Variants in SF3B1 observed in about 807,000 individuals in gnomAD.
SF3B1 encodes the protein splicing factor 3b subunit 1.
In SF3B1, 12 loss-of-function variants were observed where a neutral mutation model predicts 153.8. The observed-to-expected ratio is 0.08, with a 90% CI of 0.05 to 0.13. The LOEUF is 0.13. Ranked by LOEUF, SF3B1 falls within the 10% of genes least tolerant of loss-of-function variation. The pLI, the probability that SF3B1 is intolerant of heterozygous loss-of-function variation, is 1.00. For missense variants in SF3B1, 513 were observed against 1,606.1 expected (o/e 0.32, Z 11.63); for synonymous variants, 498 against 525.2 (o/e 0.95, Z 0.71).
chr2:197,409,308 G>A (rs1471881828), intron 7 of SF3B1, among the ~76,000 whole-genome samples: 3 of 152,118 alleles, frequency 2.0e-5, no homozygotes, highest in Non-Finnish European at 4.4e-5. Context: ...GCTGAGGCAG[G>A]AGAATCGCCT....
chr2:197,407,916 A>T, intron 9 of SF3B1, 82 bp downstream of exon 9: 1 of 1,312,406 alleles, frequency 7.6e-7, no homozygotes, highest in Non-Finnish European at 1.1e-6. Context: ...GGGCAAAGCC[A>T]ATGCAAGCTT....
intron 2 of SF3B1, among the ~76,000 whole-genome samples, chr2:197,422,557 T>TA (rs1422969577): frequency 6.6e-6 from 1 of 150,602 alleles, no homozygotes; most frequent in Non-Finnish European, 1.5e-5. Context: ...ATAATAATAA[T>TA]AAAAAAAGAA....
chr2:197,399,681 T>C (rs962107293), intron 20 of SF3B1, among the ~76,000 whole-genome samples: 1 of 152,124 alleles, frequency 6.6e-6, no homozygotes, highest in Admixed American at 6.6e-5. Context: ...TATATATATA[T>C]TGTTCTAAAA....
chr2:197,403,507 GAA>G, intron 12 of SF3B1, 76 bp downstream of exon 12: 1 of 913,896 alleles, frequency 1.1e-6, no homozygotes, highest in Non-Finnish European at 1.6e-6. Flanking sequence ...AGGTCTAGGA[GAA>G]TATGTAAATT....
intron 22 of SF3B1, among the ~76,000 whole-genome samples, chr2:197,397,495 T>C (rs2084889246): frequency 6.6e-6 from 1 of 152,178 alleles, no homozygotes; most frequent in Admixed American, 6.5e-5. Flanking sequence ...TCTATTTTAA[T>C]TAAGAATTTA....
Position 197,433,061 on chromosome 2 carries a change from G to A in SF3B1, c.28+1911C>T, listed in dbSNP as rs184709298. On this transcript the variant is annotated intron_variant, in intron 1 of 24. Transcript: ENST00000335508. ...CCCAAAAAGCATTAATTCTGCTTCA[G>A]TTTATCAAAAATGGCTTAACAAGAG... Among the ~76,000 whole-genome samples, 221 of 152,264 alleles carry A rather than the reference G, an allele frequency of 1.5e-3. 1 individual carries two copies. The highest frequency in any genetic ancestry group is 1.5e-3 in the Non-Finnish European group (102 of 68,020).
At position 197,408,358 on chromosome 2, in the gene SF3B1, G is replaced by A. The variant is rs778845846; in HGVS notation, c.1117+11C>T. On this transcript the variant is annotated intron_variant, in intron 8 of 24. Coordinates refer to ENST00000335508, the MANE Select transcript of SF3B1 (RefSeq NM_012433.4). ...AGAAAAAAACAATTATGTCCAATGA[G>A]ACAGTTCTACCTGGAGTAGGGGTAG... The A allele has an allele frequency of 3.1e-6, 5 of 1,611,510 alleles. No individual in the cohort carries two copies. The highest frequency in any genetic ancestry group is 4.2e-6 in the Non-Finnish European group (5 of 1,177,844).
At chr2:197,431,947 AC>A (rs1433829628) in intron 1 of SF3B1, among the ~76,000 whole-genome samples, 2 of 152,058 alleles carry the variant, frequency 1.3e-5, no homozygotes, top group Non-Finnish European at 2.9e-5. Context: ...ACATAGCGAG[AC>A]CCCATCTCTA....
chr2:197,395,235 T>A (rs370088128), intron 23 of SF3B1, among the ~76,000 whole-genome samples: 50 of 152,332 alleles, frequency 3.3e-4, no homozygotes, highest in Admixed American at 5.9e-4. Flanking sequence ...TGATTTACCC[T>A]CATTTTTTTT....
rs574377724 is a variant in SF3B1, at chr2:197,401,223, G to A, written c.2496+177C>T. On this transcript the variant is annotated intron_variant, in intron 17 of 24. Coordinates refer to ENST00000335508, the MANE Select transcript of SF3B1 (RefSeq NM_012433.4). This position sits in a 1 kb window ranked among gnomAD's most constrained non-coding sequence, Gnocchi z 4.2. ...AATTCACAGTTAAGTATTAATCCTC[G>A]AATCCAAAATCAAAATGGAAGTTAA... Among the ~76,000 whole-genome samples the A allele has an allele frequency of 2.6e-5, 4 of 152,178 alleles. No individual in the cohort carries two copies. The highest frequency in any genetic ancestry group is 3.9e-4 in the East Asian group (2 of 5,176).
At chr2:197,433,802 A>G (rs765489709) in intron 1 of SF3B1, among the ~76,000 whole-genome samples, 2 of 152,146 alleles carry the variant, frequency 1.3e-5, no homozygotes, top group Non-Finnish European at 2.9e-5. Flanking sequence ...ACCTTTCACG[A>G]TTCAATACCT....
chr2:197,435,071 A>G (rs896645360), upstream of SF3B1: 35 of 1,612,498 alleles, frequency 2.2e-5, no homozygotes, highest in South Asian at 3.4e-4. Flanking sequence ...GCCACGGAGA[A>G]AAATAGCTGG....
chr2:197,409,622 A>T, intron 7 of SF3B1, 148 bp downstream of exon 7: 1 of 694,248 alleles, frequency 1.4e-6, no homozygotes, highest in African/African-American at 1.8e-5. Context: ...GGAAAAAATT[A>T]GGCATATGAA....
Position 197,393,030 on chromosome 2 carries a change from G to C in SF3B1, c.3698C>G (p.Ala1233Gly). The C allele has an allele frequency of 6.2e-7, 1 of 1,613,188 alleles. No individual in the cohort carries two copies. Among genetic ancestry groups the C allele is most frequent in the Non-Finnish European group, 8.5e-7 (1 of 1,179,250 alleles). ...SPHVIQAVMG[A>G]LEGLRVAIGP... The stretch of plus-strand genomic sequence containing the variant: ...AATAGCAACTCTCAGGCCCTCTAGG[G>C]CTCCCATAACTGCCTGAATTACATG... The change falls in exon 24 of 25, where the codon GCC becomes GGC. Residue 1233 changes from alanine to glycine, a missense_variant. Ala to Gly is a moderately conservative substitution (Grantham distance 60). Transcript: ENST00000335508.
chr2:197,409,357 G>A (rs1374470852), intron 7 of SF3B1, among the ~76,000 whole-genome samples: 5 of 151,732 alleles, frequency 3.3e-5, no homozygotes, highest in African/African-American at 7.3e-5. Context: ...CTGAGATCGC[G>A]CCATTGCATT....
At chr2:197,417,671 C>T (rs1404457959) in intron 5 of SF3B1, among the ~76,000 whole-genome samples, 4 of 151,386 alleles carry the variant, frequency 2.6e-5, no homozygotes, top group Non-Finnish European at 5.9e-5. Context: ...GCAGGAGAAT[C>T]GCTTGGACCC....
chr2:197,415,409 T>C (rs945020602), intron 6 of SF3B1, among the ~76,000 whole-genome samples: 29 of 152,048 alleles, frequency 1.9e-4, no homozygotes, highest in African/African-American at 6.8e-4. Flanking sequence ...CACGCCACCA[T>C]GCCCAGCTAA....
chr2:197,425,422 C>A (rs191125371), intron 1 of SF3B1, among the ~76,000 whole-genome samples: 1 of 152,132 alleles, frequency 6.6e-6, no homozygotes, highest in Non-Finnish European at 1.5e-5. Flanking sequence ...GTCGAGATCA[C>A]GCCATTGCAC....
intron 1 of SF3B1, among the ~76,000 whole-genome samples, chr2:197,434,379 C>A (rs997641983): frequency 3.3e-5 from 5 of 152,180 alleles, no homozygotes; most frequent in African/African-American, 1.2e-4. Flanking sequence ...CTCCAATAAC[C>A]AGTCTCCAAA....
Sources: allele counts gnomAD v4.1 joint callset (sites outside exome capture counted in the v4.1 genomes callset), GRCh38; gene constraint gnomAD v4.1.1; non-coding constraint Gnocchi (gnomAD v3.1); transcripts MANE v1.5; gene names NCBI Gene and HGNC (gene_info 2026-07-23, HGNC 2026-07-21).